Variants in KLF10 observed in about 807,000 individuals in gnomAD.
The protein encoded by KLF10 is KLF transcription factor 10.
Under a neutral mutation model 31.6 loss-of-function variants are expected in KLF10, and 17 were observed. The observed-to-expected ratio is 0.54, with a 90% CI of 0.37 to 0.81. The LOEUF (loss-of-function observed/expected upper bound fraction) is 0.81. KLF10 is among the 30% of genes least tolerant of loss of function. The probability of loss-of-function intolerance (pLI) is 0.00; values close to 1 mark genes in which losing one functional copy is unlikely to be tolerated. For missense variants in KLF10, 525 were observed against 598.1 expected (o/e 0.88, Z 1.27); for synonymous variants, 239 against 215.1 (o/e 1.11, Z -0.97).
Position 102,651,708 on chromosome 8 carries a change from G to C in KLF10, c.624C>G (p.Asn208Lys). The change falls in exon 3 of 4, where the codon AAC becomes AAG. Residue 208 changes from asparagine to lysine, a missense_variant. Coordinates refer to ENST00000285407, the MANE Select transcript of KLF10 (RefSeq NM_005655.4). Reference protein sequence around the residue: ...KNIPCAAVSPNRSKCERNTVA... With the variant: ...KNIPCAAVSPKRSKCERNTVA... ...CTGTGTTTCTCTCACATTTGGATCTGTTTGGTGACACAGCGGCACATGGTA... is the reference window on the plus strand; with the variant it reads ...CTGTGTTTCTCTCACATTTGGATCTCTTTGGTGACACAGCGGCACATGGTA... The C allele has an allele frequency of 6.2e-7, 1 of 1,614,228 alleles. No homozygotes were observed. The highest frequency in any genetic ancestry group is 8.5e-7 in the Non-Finnish European group (1 of 1,180,044).
chr8:102,653,297 T>G (rs923618972), intron 1 of KLF10, among the ~76,000 whole-genome samples: 1 of 152,236 alleles, frequency 6.6e-6, no homozygotes, highest in Non-Finnish European at 1.5e-5. Context: ...ACTTGGAATT[T>G]GCAAAAACCG....
At chr8:102,650,478 AC>A in intron 3 of KLF10, 87 bp from the exon 4 acceptor site, 1 of 1,309,106 alleles carries the variant, frequency 7.6e-7, no homozygotes, top group Admixed American at 2.4e-5. Flanking sequence ...ATGAGAAGAT[AC>A]ATTTTAAATA....
rs751537607 is a variant in KLF10 at position 102,651,618 on chromosome 8, C to A, written c.714G>T (p.Thr238=). Residue 238 remains threonine, a synonymous_variant, in exon 3 of 4, where the codon ACG becomes ACT. Coordinates refer to ENST00000285407, the MANE Select transcript of KLF10 (RefSeq NM_005655.4). Reference sequence around the variant, plus strand: ...GGGCTGGCTGAGACCTGCAGATGACCGTCTCTGAGGAAGGCACAGAAAAGT... The same window carrying A: ...GGGCTGGCTGAGACCTGCAGATGACAGTCTCTGAGGAAGGCACAGAAAAGT... The part of the protein sequence containing the change: ...LYDFSVPSSE[T]VICRSQPAPV... The A allele has an allele frequency of 6.2e-7, 1 of 1,614,174 alleles. No individual in the cohort carries two copies. Among genetic ancestry groups the A allele is most frequent in the Non-Finnish European group, 8.5e-7 (1 of 1,180,038 alleles).
At position 102,649,850 on chromosome 8, in the gene KLF10, T is replaced by C; in HGVS notation, c.*282A>G. On this transcript the variant is annotated 3_prime_UTR_variant, in exon 4 of 4. Coordinates refer to ENST00000285407, the MANE Select transcript of KLF10 (RefSeq NM_005655.4). ...ATGCACACAGATTCAAAATCTGTGC[T>C]ACCTGTGTTGACCTCATCTGAAACC... 4.4e-6 allele frequency: 2 copies of C among 452,218 alleles called. No homozygotes were observed. 28.0% of individuals were successfully genotyped at this position (452,218 alleles called of 1,614,324 possible).
rs992904354 is a variant in KLF10 at position 102,649,111 on chromosome 8, A to G, written c.*1021T>C. 2 of 127,470 alleles carry G rather than the reference A, an allele frequency of 1.6e-5. No individual in the cohort carries two copies. Among genetic ancestry groups the G allele is most frequent in the Non-Finnish European group, 3.3e-5 (2 of 60,286 alleles). 7.9% of individuals were successfully genotyped at this position (127,470 alleles called of 1,614,324 possible). Reference sequence around the variant, plus strand: ...CCCAACTACCTCCACATCCCCAAAAAACGCCTATAAATTAACAGGACAACA... The same window carrying G: ...CCCAACTACCTCCACATCCCCAAAAGACGCCTATAAATTAACAGGACAACA... On this transcript the variant is annotated 3_prime_UTR_variant, in exon 4 of 4. Coordinates refer to ENST00000285407, the MANE Select transcript of KLF10 (RefSeq NM_005655.4).
At position 102,650,152 on chromosome 8, in the gene KLF10, T is replaced by C; in HGVS notation, c.1423A>G (p.Thr475Ala). 6 of 1,614,172 alleles carry C rather than the reference T, an allele frequency of 3.7e-6. No homozygotes were observed. Among genetic ancestry groups the C allele is most frequent in the Non-Finnish European group, 5.1e-6 (6 of 1,180,014 alleles). ...SKLNDIALPPTPAPTQ is the reference protein window; with the variant it reads ...SKLNDIALPPAPAPTQ ...GTCTGTCACTGTGTGGGAGCAGGGG[T>C]TGGAGGTAGAGCAATGTCATTTAGC... Residue 475 changes from threonine (T) to alanine (A), a missense_variant, in exon 4 of 4, where the codon ACC becomes GCC. Around this residue, in one of 3 missense-constraint regions of KLF10, gnomAD observed 42 missense variants for 42.4 expected, o/e 0.99. Coordinates refer to ENST00000285407, the MANE Select transcript of KLF10 (RefSeq NM_005655.4).
Position 102,655,695 on chromosome 8 carries a change from TC to T in KLF10, c.-95del. On this transcript the variant is annotated 5_prime_UTR_variant, in exon 1 of 4. Coordinates refer to ENST00000285407, the MANE Select transcript of KLF10 (RefSeq NM_005655.4). ...GGCGCACGGAGACACTCGACGCCGCTCCCGCCGCCGCCGCGCTCAGCGCCGT... is the reference window on the plus strand; with the variant it reads ...GGCGCACGGAGACACTCGACGCCGCTCCGCCGCCGCCGCGCTCAGCGCCGT... The T allele has an allele frequency of 3.5e-6, 5 of 1,420,342 alleles. No homozygotes were observed. Among genetic ancestry groups the T allele is most frequent in the Admixed American group, 1.9e-5 (1 of 51,628 alleles). 88.0% of individuals were successfully genotyped at this position (1,420,342 alleles called of 1,614,324 possible). A position where few individuals can be genotyped will look rare whatever the true frequency, so the allele number is the denominator to read the frequency against.
chr8:102,653,582 A>G (rs1827269480), intron 1 of KLF10: 1 of 1,399,342 alleles, frequency 7.1e-7, no homozygotes. Flanking sequence ...TATTCTCAAT[A>G]CTAGTTTTTC....
intron 1 of KLF10, among the ~76,000 whole-genome samples, chr8:102,654,551 GC>G: frequency 6.6e-6 from 1 of 151,806 alleles, no homozygotes; most frequent in Admixed American, 6.6e-5. Context: ...CCCGCCGGCA[GC>G]CCCCGGGAAC....
intron 1 of KLF10, among the ~76,000 whole-genome samples, chr8:102,655,263 ATCC>A (rs1292458431): frequency 1.6e-4 from 23 of 143,948 alleles, no homozygotes; most frequent in African/African-American, 4.9e-4. Flanking sequence ...CCCGCTCGTC[ATCC>A]TCCTCCTCAC....
At chr8:102,652,672 G>A (rs187508172) in intron 1 of KLF10, among the ~76,000 whole-genome samples, 51 of 152,158 alleles carry the variant, frequency 3.4e-4, no homozygotes, top group East Asian at 7.7e-4. Context: ...AGCGATATCC[G>A]TTCATGGGAG....
chr8:102,650,156 A>C lies in KLF10; in HGVS notation c.1419T>G (p.Pro473=). ...GTCACTGTGTGGGAGCAGGGGTTGG[A>C]GGTAGAGCAATGTCATTTAGCTTGC... is the stretch of plus-strand genomic sequence containing the variant. ...EVSKLNDIAL[P]PTPAPTQ Residue 473 remains proline, a synonymous_variant, in exon 4 of 4, where the codon CCT becomes CCG. Transcript: ENST00000285407. 1 of 1,614,170 alleles carries C rather than the reference A, an allele frequency of 6.2e-7. No individual in the cohort carries two copies. Among genetic ancestry groups the C allele is most frequent in the Non-Finnish European group, 8.5e-7 (1 of 1,180,020 alleles).
intron 3 of KLF10, 57 bp from the exon 4 acceptor site, chr8:102,650,448 T>C: frequency 6.6e-7 from 1 of 1,518,382 alleles, no homozygotes; most frequent in Non-Finnish European, 9.0e-7. Flanking sequence ...AATTATATGT[T>C]CAATTCTGTC....
chr8:102,651,976 A>C lies in KLF10; in HGVS notation c.356T>G (p.Phe119Cys). The change falls in exon 3 of 4, where the codon TTC becomes TGC. Residue 119 changes from phenylalanine (F) to cysteine (C), a missense_variant. Physicochemically the swap from Phe to Cys is radical, Grantham distance 205 (BLOSUM62 -2). Coordinates refer to ENST00000285407, the MANE Select transcript of KLF10 (RefSeq NM_005655.4). ...LMAPAPSTVH[F>C]KSLSDTAKPH... ...TTTGGCAGTATCTGAGAGTGACTTG[A>C]AGTGTACAGTAGATGGCGCTGGTGC... 1.2e-6 allele frequency: 2 copies of C among 1,614,018 alleles called. No individual in the cohort carries two copies. Among genetic ancestry groups the C allele is most frequent in the Non-Finnish European group, 1.7e-6 (2 of 1,180,024 alleles).
intron 3 of KLF10, 33 bp from the exon 4 acceptor site, chr8:102,650,424 A>G (rs1319736092): frequency 3.8e-6 from 6 of 1,592,424 alleles, no homozygotes; most frequent in East Asian, 4.5e-5. Flanking sequence ...ATTATTATGC[A>G]TAAGATTGCC....
In KLF10 at chr8:102,650,170, C is replaced by T; in HGVS notation, c.1405G>A (p.Asp469Asn). The change falls in exon 4 of 4, where the codon GAC (aspartate) becomes AAC (asparagine). Residue 469 changes from aspartate (D) to asparagine (N), a missense_variant. Physicochemically the swap from Asp to Asn is conservative, Grantham distance 23. Coordinates refer to ENST00000285407, the MANE Select transcript of KLF10 (RefSeq NM_005655.4). ...GCAGGGGTTGGAGGTAGAGCAATGT[C>T]ATTTAGCTTGCTCACTTCCATCTGC... ...NWQMEVSKLN[D>N]IALPPTPAPT... The T allele has an allele frequency of 1.2e-6, 2 of 1,614,230 alleles. No individual in the cohort carries two copies. The highest frequency in any genetic ancestry group is 1.7e-6 in the Non-Finnish European group (2 of 1,180,042).
At chr8:102,653,899 G>T in intron 1 of KLF10, 1 of 978,192 alleles carries the variant, frequency 1.0e-6, no homozygotes, top group Non-Finnish European at 1.2e-6. Flanking sequence ...GACGAGGGGC[G>T]GGGGCGGACG....
At chr8:102,653,573 AT>A in intron 1 of KLF10, 1 of 1,438,292 alleles carries the variant, frequency 7.0e-7, no homozygotes, top group Non-Finnish European at 9.1e-7. Context: ...GCAAGGTATT[AT>A]TCTCAATACT....
chr8:102,653,973 C>A, intron 1 of KLF10: 1 of 985,680 alleles, frequency 1.0e-6, no homozygotes, highest in South Asian at 4.6e-5. Context: ...ATGAGGCTCA[C>A]GGGTGAGTCA....
Sources: allele counts gnomAD v4.1 joint callset (sites outside exome capture counted in the v4.1 genomes callset), GRCh38; gene constraint gnomAD v4.1.1; regional missense constraint gnomAD v4.1.1; transcripts MANE v1.5; gene names NCBI Gene and HGNC (gene_info 2026-07-23, HGNC 2026-07-21).